The following AGPAT2 variants were observed in gnomAD, a reference collection of about 807,000 sequenced individuals.
AGPAT2 encodes the protein 1-acylglycerol-3-phosphate O-acyltransferase 2, also known as 1-acyl-sn-glycerol-3-phosphate acyltransferase beta.
A neutral mutation model predicts 26.1 loss-of-function variants in AGPAT2; 18 were observed. The ratio of observed to expected loss-of-function variants is 0.69; its 90% CI spans 0.48 to 1.02. AGPAT2 has a LOEUF of 1.02. AGPAT2 is among the 50% of genes least tolerant of loss of function. AGPAT2 has a pLI of 0.00. For missense variants in AGPAT2, 415 were observed against 394.9 expected, an observed-to-expected ratio of 1.05 and a Z score of -0.43; for synonymous variants, 200 against 174.2, an observed-to-expected ratio of 1.15 and a Z score of -1.16.
chr9:136,677,010 G>A lies in AGPAT2; in HGVS notation c.443C>T (p.Thr148Ile), dbSNP rs764964329. The A allele has an allele frequency of 1.2e-6, 2 of 1,610,538 alleles. No individual in the cohort carries two copies. Among genetic ancestry groups the A allele is most frequent in the Non-Finnish European group, 1.7e-6 (2 of 1,178,642 alleles). Residue 148 changes from threonine to isoleucine, a missense_variant, in exon 3 of 6, where the codon ACT (threonine) becomes ATT (isoleucine). Coordinates refer to ENST00000371696, the MANE Select transcript of AGPAT2 (RefSeq NM_006412.4). ...CAGGTCGGCCATCACTGTCATGGCA[G>A]TGCTAGAGCGCTGCCGGTTGATGAA... ...VFFINRQRSS[T>I]AMTVMADLGE...
intron 2 of AGPAT2, 70 bp downstream of exon 2, chr9:136,677,353 C>G: frequency 1.2e-6 from 2 of 1,609,738 alleles, no homozygotes; most frequent in Admixed American, 3.3e-5. Flanking sequence ...CCCCGGGACC[C>G]AGCCCCACAC....
intron 3 of AGPAT2, 74 bp from the exon 4 acceptor site, chr9:136,676,754 A>T (rs1373266615): frequency 6.9e-7 from 1 of 1,443,934 alleles, no homozygotes; most frequent in African/African-American, 1.4e-5. Flanking sequence ...CTCGCCTCCT[A>T]AGAAGCCCCA....
chr9:136,677,603 C>A (rs531097051), intron 1 of AGPAT2, 47 bp from the exon 2 acceptor site: 2 of 1,610,876 alleles, frequency 1.2e-6, no homozygotes, highest in Non-Finnish European at 8.5e-7. Context: ...ATCCCGCAGC[C>A]GAGGCTGGGG....
At chr9:136,674,667 G>GGGC in intron 5 of AGPAT2, 68 bp downstream of exon 5, 1 of 1,218,886 alleles carries the variant, frequency 8.2e-7, no homozygotes. Context: ...GAACGATGAG[G>GGGC]GGCCCGGGGC....
intron 4 of AGPAT2, 141 bp downstream of exon 4, chr9:136,676,444 G>A (rs1846090706): frequency 8.9e-6 from 6 of 672,222 alleles, no homozygotes; most frequent in East Asian, 2.9e-5. Context: ...GGGGCAAGGA[G>A]GCCCTGTCCC....
In AGPAT2 at chr9:136,676,647, T is replaced by C. The variant is rs1350421406; in HGVS notation, c.526A>G (p.Asn176Asp). The C allele has an allele frequency of 1.9e-6, 3 of 1,613,298 alleles. No homozygotes were observed. The highest frequency in any genetic ancestry group is 2.7e-5 in the African/African-American group (2 of 74,868). Residue 176 changes from asparagine to aspartate, a missense_variant, in exon 4 of 6, where the codon AAC (asparagine) becomes GAC (aspartate). Asn to Asp is a conservative substitution (Grantham distance 23). Coordinates refer to ENST00000371696, the MANE Select transcript of AGPAT2 (RefSeq NM_006412.4). ...AAAGGCAGCAGGTCCCCATTGTCGTTGCGAGTACCCTCGGGATAGATCCAC... is the reference window on the plus strand; with the variant it reads ...AAAGGCAGCAGGTCCCCATTGTCGTCGCGAGTACCCTCGGGATAGATCCAC... ...KVWIYPEGTR[N>D]DNGDLLPFKK...
At position 136,677,112 on chromosome 9, in the gene AGPAT2, C is replaced by T. The variant is rs746314526; in HGVS notation, c.341G>A (p.Arg114His). The T allele has an allele frequency of 2.7e-5, 43 of 1,612,994 alleles. No homozygotes were observed. Among genetic ancestry groups the T allele is most frequent in the Middle Eastern group, 1.6e-4 (1 of 6,084 alleles). Residue 114 changes from arginine to histidine, a missense_variant, in exon 3 of 6, where the codon CGC (arginine) becomes CAC (histidine). Coordinates refer to ENST00000371696, the MANE Select transcript of AGPAT2 (RefSeq NM_006412.4). ...CTCCCGCTTGGCGATCTGCACGCAGCGCTCCGGAAGGACCTCCATGAGGCC... is the reference window on the plus strand; with the variant it reads ...CTCCCGCTTGGCGATCTGCACGCAGTGCTCCGGAAGGACCTCCATGAGGCC... Reference protein sequence around the residue: ...MMGLMEVLPERCVQIAKRELL... With the variant: ...MMGLMEVLPEHCVQIAKRELL...
chr9:136,687,300 G>A lies in AGPAT2; in HGVS notation c.58C>T (p.Leu20=). ...GCGTAGAACTCGGCCGCGCGGCTCA[G>A]CTGCACCAGCAGCAGCAGCAACAGC... is the stretch of plus-strand genomic sequence containing the variant. The part of the protein sequence containing the change: ...ALLLLLLLVQ[L]SRAAEFYAKV... Residue 20 remains leucine, a synonymous_variant, in exon 1 of 6, where the codon CTG becomes TTG. Transcript: ENST00000371696. 6.3e-7 allele frequency: 1 copy of A among 1,580,060 alleles called. No individual in the cohort carries two copies. Among genetic ancestry groups the A allele is most frequent in the Non-Finnish European group, 8.6e-7 (1 of 1,168,244 alleles).
intron 1 of AGPAT2, among the ~76,000 whole-genome samples, chr9:136,684,724 G>A (rs1846201666): frequency 1.3e-5 from 2 of 152,190 alleles, no homozygotes; most frequent in Non-Finnish European, 1.5e-5. Flanking sequence ...CAGTGGGTTC[G>A]AACCCCAGTT....
At position 136,677,088 on chromosome 9, in the gene AGPAT2, T is replaced by G. The variant is rs1057522706; in HGVS notation, c.365A>C (p.Glu122Ala). The change falls in exon 3 of 6, where the codon GAG (glutamate) becomes GCG (alanine). Residue 122 changes from glutamate to alanine, a missense_variant. By Grantham distance (107) the Glu-to-Ala change is moderately radical (BLOSUM62 -1). Transcript: ENST00000371696. ...PERCVQIAKR[E>A]LLFLGPVGLI... The stretch of plus-strand genomic sequence containing the variant: ...GCCCACGGGCCCCAGGAAGAGCAGC[T>G]CCCGCTTGGCGATCTGCACGCAGCG... 1.9e-6 allele frequency: 3 copies of G among 1,612,906 alleles called. No individual in the cohort carries two copies. The East Asian group carries it at 6.7e-5, about 36-fold the overall frequency.
chr9:136,687,338 A>C lies in AGPAT2; in HGVS notation c.20T>G (p.Leu7Arg). Reference protein sequence around the residue: MELWPCLAAALLLLLLL... With the variant: MELWPCRAAALLLLLLL... ...CAGCAGCAACAGCAGCGCCGCGGCCAGACACGGCCACAGCTCCATGGCCCG... is the reference window on the plus strand; with the variant it reads ...CAGCAGCAACAGCAGCGCCGCGGCCCGACACGGCCACAGCTCCATGGCCCG... The change falls in exon 1 of 6, where the codon CTG becomes CGG. Residue 7 changes from leucine (L) to arginine (R), a missense_variant. Transcript: ENST00000371696. The C allele has an allele frequency of 6.4e-7, 1 of 1,552,764 alleles. No homozygotes were observed. Among genetic ancestry groups the C allele is most frequent in the Non-Finnish European group, 8.6e-7 (1 of 1,157,508 alleles).
chr9:136,675,067 G>C (rs1028793431), intron 4 of AGPAT2, among the ~76,000 whole-genome samples: 1 of 152,158 alleles, frequency 6.6e-6, no homozygotes, highest in African/African-American at 2.4e-5. Flanking sequence ...TGTTTGCCTG[G>C]TTCACACCTG....
Position 136,687,323 on chromosome 9 carries a change from A to G in AGPAT2, c.35T>C (p.Leu12Pro). Residue 12 changes from leucine (L) to proline (P), a missense_variant, in exon 1 of 6, where the codon CTG becomes CCG. Physicochemically the swap from Leu to Pro is moderately conservative, Grantham distance 98. Coordinates refer to ENST00000371696, the MANE Select transcript of AGPAT2 (RefSeq NM_006412.4). ...CAGCTGCACCAGCAGCAGCAGCAAC[A>G]GCAGCGCCGCGGCCAGACACGGCCA... ...ELWPCLAAAL[L>P]LLLLLVQLSR... 2 of 1,567,182 alleles carry G rather than the reference A, an allele frequency of 1.3e-6. No homozygotes were observed. Among genetic ancestry groups the G allele is most frequent in the Non-Finnish European group, 1.7e-6 (2 of 1,163,400 alleles).
intron 1 of AGPAT2, among the ~76,000 whole-genome samples, chr9:136,684,798 C>A (rs79349832): frequency 1.3e-5 from 2 of 152,160 alleles, no homozygotes; most frequent in Non-Finnish European, 1.5e-5. Context: ...CCTCAGTGTC[C>A]TTATTTGTAA....
Position 136,687,442 on chromosome 9 carries a change from CGA to C in AGPAT2, c.-87_-86del. 21 of 1,201,576 alleles carry C rather than the reference CGA, an allele frequency of 1.7e-5. No homozygotes were observed. Among genetic ancestry groups the C allele is most frequent in the Non-Finnish European group, 2.2e-5 (21 of 934,322 alleles). 74.4% of individuals were successfully genotyped at this position (1,201,576 alleles called of 1,614,324 possible). On this transcript the variant is annotated 5_prime_UTR_variant, in exon 1 of 6. Transcript: ENST00000371696. ...CCCCGCGCGCTCAGGCCCCTTATTG[CGA>C]GGGCGGCGGGGCTGGGCGGGGCGGG...
rs1846069486 is a variant in AGPAT2, at chr9:136,674,805, C to T, written c.591G>A (p.Val197=). 6 of 1,546,450 alleles carry T rather than the reference C, an allele frequency of 3.9e-6. No individual in the cohort carries two copies. In the African/African-American group the frequency reaches 5.6e-5, roughly 14 times the overall value. The change falls in exon 5 of 6, where the codon GTG becomes GTA. Residue 197 remains valine, a splice_region_variant and synonymous_variant. Transcript: ENST00000371696. The part of the protein sequence containing the change: ...GAFYLAVQAQ[V]PIVPVVYSSF... ...AAGAGTACACCACGGGGACGATGGG[C>T]ACCTGCAGGCAGGGAGACGCACAGC...
intron 1 of AGPAT2, among the ~76,000 whole-genome samples, chr9:136,682,651 T>C (rs778777906): frequency 2.0e-5 from 3 of 152,186 alleles, no homozygotes; most frequent in Non-Finnish European, 4.4e-5. Flanking sequence ...CAAAACTAAG[T>C]GAGGCTGAGC....
In AGPAT2 at chr9:136,676,968, C is replaced by G. The variant is rs564197398; in HGVS notation, c.485G>C (p.Arg162Thr). 1 of 1,612,560 alleles carries G rather than the reference C, an allele frequency of 6.2e-7. No individual in the cohort carries two copies. Among genetic ancestry groups the G allele is most frequent in the South Asian group, 1.1e-5 (1 of 91,036 alleles). ...VMADLGERMV[R>T]ENLKVWIYPE... ...CCGGCCCTGCACACTCACGTTCTCC[C>G]TGACCATGCGCTCGCCCAGGTCGGC... The change falls in exon 3 of 6, where the codon AGG (arginine) becomes ACG (threonine). Residue 162 changes from arginine (R) to threonine (T), a missense_variant. By Grantham distance (71) the Arg-to-Thr change is moderately conservative (BLOSUM62 -1). Coordinates refer to ENST00000371696, the MANE Select transcript of AGPAT2 (RefSeq NM_006412.4).
intron 5 of AGPAT2, 44 bp from the exon 6 acceptor site, chr9:136,673,971 G>T (rs760549983): frequency 6.9e-7 from 1 of 1,453,654 alleles, no homozygotes; most frequent in South Asian, 1.4e-5. Context: ...GGGGAGCTGG[G>T]GCCCACCTCA....
Sources: allele counts gnomAD v4.1 joint callset (sites outside exome capture counted in the v4.1 genomes callset), GRCh38; gene constraint gnomAD v4.1.1; transcripts MANE v1.5; gene names NCBI Gene and HGNC (gene_info 2026-07-23, HGNC 2026-07-21).